Variants in MDFIC observed in about 807,000 individuals in gnomAD.
MDFIC encodes the protein myoD family inhibitor domain-containing protein.
MDFIC carries 17 observed loss-of-function variants against 23.2 expected under a neutral mutation model. The observed-to-expected ratio is 0.73, with a 90% CI of 0.50 to 1.10. The LOEUF (loss-of-function observed/expected upper bound fraction) is 1.10. MDFIC is among the 50% of genes least tolerant of loss of function. MDFIC has a pLI of 0.00. For synonymous variants in MDFIC, 120 were observed against 115.2 expected (o/e 1.04, Z -0.27); for missense variants, 356 against 316.6 (o/e 1.12, Z -0.95).
chr7:114,987,790 T>C (rs916715983), intron 4 of MDFIC, among the ~76,000 whole-genome samples: 2 of 152,174 alleles, frequency 1.3e-5, no homozygotes, highest in Admixed American at 6.6e-5. Context: ...ATATTTAAAT[T>C]AGCTGTCTTT....
intron 4 of MDFIC, among the ~76,000 whole-genome samples, chr7:114,998,516 C>A (rs1791391272): frequency 6.6e-6 from 1 of 152,016 alleles, no homozygotes. Context: ...TGTCCAAATG[C>A]CACATGATTT....
At chr7:114,982,235 A>T (rs1305907612) in intron 4 of MDFIC, among the ~76,000 whole-genome samples, 1 of 152,202 alleles carries the variant, frequency 6.6e-6, no homozygotes, top group African/African-American at 2.4e-5. Context: ...ATAGCACCTG[A>T]ATTTCAGGAG....
chr7:114,929,927 A>G (rs745913082), intron 2 of MDFIC, among the ~76,000 whole-genome samples: 69 of 152,184 alleles, frequency 4.5e-4, no homozygotes, highest in Non-Finnish European at 7.8e-4. Context: ...TTCCTCTTTG[A>G]GATGGAGGTG....
At chr7:114,995,359 T>C (rs554718896) in intron 4 of MDFIC, among the ~76,000 whole-genome samples, 15 of 152,334 alleles carry the variant, frequency 9.8e-5, no homozygotes, top group African/African-American at 3.4e-4. Flanking sequence ...TCAAAGTCAT[T>C]CTCCATCCAG....
intron 2 of MDFIC, among the ~76,000 whole-genome samples, chr7:114,933,552 C>T (rs1318393665): frequency 3.3e-5 from 5 of 152,160 alleles, no homozygotes; most frequent in Non-Finnish European, 4.4e-5. Context: ...CCACTGTGCC[C>T]AGCCTCCATT....
At chr7:114,938,991 G>T (rs527987825) in intron 2 of MDFIC, among the ~76,000 whole-genome samples, 13 of 152,226 alleles carry the variant, frequency 8.5e-5, no homozygotes, top group Non-Finnish European at 1.9e-4. Context: ...GAAAGCTTTA[G>T]TAAGGTTGGT....
At chr7:114,934,563 A>G (rs1669056531) in intron 2 of MDFIC, among the ~76,000 whole-genome samples, 2 of 152,146 alleles carry the variant, frequency 1.3e-5, no homozygotes, top group South Asian at 4.1e-4. Context: ...TCATTTTCCC[A>G]CCATTCTTTT....
intron 2 of MDFIC, among the ~76,000 whole-genome samples, chr7:114,941,924 C>A (rs890560357): frequency 2.0e-5 from 3 of 152,214 alleles, no homozygotes; most frequent in Non-Finnish European, 4.4e-5. Flanking sequence ...CCTTTCCCTG[C>A]TGCTCAACCC....
At chr7:114,940,392 A>G (rs1792515687) in intron 2 of MDFIC, among the ~76,000 whole-genome samples, 1 of 152,198 alleles carries the variant, frequency 6.6e-6, no homozygotes, top group South Asian at 2.1e-4. Flanking sequence ...TTTTCCTTCC[A>G]CTGGAAATGT....
intron 3 of MDFIC, among the ~76,000 whole-genome samples, chr7:114,967,358 A>C (rs1433270899): frequency 1.3e-5 from 2 of 152,228 alleles, no homozygotes; most frequent in Admixed American, 6.5e-5. Flanking sequence ...AAAGACATTA[A>C]GGGAGAATGC....
At chr7:115,015,649 T>C (rs1369869727) in intron 4 of MDFIC, 39 bp from the exon 5 acceptor site, 2 of 1,592,916 alleles carry the variant, frequency 1.3e-6, no homozygotes, top group Middle Eastern at 1.7e-4. Flanking sequence ...TGTTCCTCCT[T>C]TTTCTCACTA....
At chr7:114,923,710 A>G in intron 2 of MDFIC, 1 of 1,319,270 alleles carries the variant, frequency 7.6e-7, no homozygotes, top group Non-Finnish European at 9.9e-7. Flanking sequence ...GTAAACACAC[A>G]CAGCCTATAA....
intron 4 of MDFIC, among the ~76,000 whole-genome samples, chr7:114,987,061 A>G (rs1793528053): frequency 6.6e-6 from 1 of 152,162 alleles, no homozygotes; most frequent in African/African-American, 2.4e-5. Flanking sequence ...TGAAGGAATA[A>G]AAGGAAGGGC....
At chr7:114,974,194 A>C (rs1793261869) in intron 3 of MDFIC, among the ~76,000 whole-genome samples, 1 of 152,140 alleles carries the variant, frequency 6.6e-6, no homozygotes, top group African/African-American at 2.4e-5. Flanking sequence ...TATAGCAATA[A>C]AAATGTAAGA....
intron 4 of MDFIC, among the ~76,000 whole-genome samples, chr7:115,005,514 T>C (rs1371123452): frequency 1.3e-5 from 2 of 152,154 alleles, no homozygotes; most frequent in Admixed American, 6.5e-5. Flanking sequence ...ATAACTCAGT[T>C]GGGGAGTGGC....
intron 3 of MDFIC, among the ~76,000 whole-genome samples, chr7:114,955,586 G>GC (rs1213322321): frequency 6.6e-6 from 1 of 152,116 alleles, no homozygotes; most frequent in African/African-American, 2.4e-5. Context: ...ACATCCCTCA[G>GC]CCCAGGGCCA....
chr7:114,985,955 C>A (rs2115996388), intron 4 of MDFIC, among the ~76,000 whole-genome samples: 1 of 151,496 alleles, frequency 6.6e-6, no homozygotes, highest in African/African-American at 2.4e-5. Flanking sequence ...TATATAGAAT[C>A]AGGGTGCTTT....
At chr7:114,974,990 A>G (rs758646584) in intron 3 of MDFIC, among the ~76,000 whole-genome samples, 5 of 152,028 alleles carry the variant, frequency 3.3e-5, no homozygotes, top group Non-Finnish European at 4.4e-5. Context: ...AAGATGCTGA[A>G]TGTTCTTATA....
At chr7:114,931,245 AAG>A in intron 2 of MDFIC, among the ~76,000 whole-genome samples, 1 of 152,236 alleles carries the variant, frequency 6.6e-6, no homozygotes, top group Non-Finnish European at 1.5e-5. Flanking sequence ...AGGGTTTGCT[AAG>A]TAGAAACTAT....
Sources: gnomAD v4.1 joint callset for allele counts (sites outside exome capture counted in the v4.1 genomes callset) on GRCh38, gnomAD v4.1.1 for gene constraint, MANE v1.5 for transcripts, NCBI Gene and HGNC (gene_info 2026-07-23, HGNC 2026-07-21) for gene names.